PPFIA2: variants seen among roughly 807,000 people sequenced by gnomAD.
The protein encoded by PPFIA2 is liprin-alpha-2.
Under a neutral mutation model 175.5 loss-of-function variants are expected in PPFIA2, and 46 were observed. The ratio of observed to expected loss-of-function variants is 0.26; its 90% CI spans 0.21 to 0.34. The LOEUF is 0.34. PPFIA2 is among the 10% of genes least tolerant of loss of function. The probability of loss-of-function intolerance (pLI) is 1.00; values close to 1 mark genes in which losing one functional copy is unlikely to be tolerated. For synonymous variants in PPFIA2, 568 were observed against 511.4 expected (o/e 1.11, Z -1.49); for missense variants, 1,179 against 1,506.1 (o/e 0.78, Z 3.60).
intron 4 of PPFIA2, among the ~76,000 whole-genome samples, chr12:81,615,827 A>C (rs2061381939): frequency 6.6e-6 from 1 of 152,154 alleles, no homozygotes. Flanking sequence ...GAAAGGAGGA[A>C]TAGGAATAAG....
At chr12:81,707,923 C>CA (rs1298873045) in intron 3 of PPFIA2, among the ~76,000 whole-genome samples, 4 of 148,568 alleles carry the variant, frequency 2.7e-5, no homozygotes, top group South Asian at 2.1e-4. Flanking sequence ...ATCGCAAGAA[C>CA]AAAAAACCAA....
At chr12:81,754,340 C>G in intron 2 of PPFIA2, 117 bp from the exon 3 acceptor site, 2 of 1,285,774 alleles carry the variant, frequency 1.6e-6, no homozygotes, top group African/African-American at 3.0e-5. Flanking sequence ...TCTATTTCCC[C>G]TACCTGTTGC....
At chr12:81,668,265 G>C (rs552110446) in intron 4 of PPFIA2, among the ~76,000 whole-genome samples, 1 of 152,116 alleles carries the variant, frequency 6.6e-6, no homozygotes, top group East Asian at 1.9e-4. Flanking sequence ...TACTTCATCA[G>C]TCTGGCCCAT....
At chr12:81,344,930 G>GTGTAC (rs59018607) in intron 18 of PPFIA2, among the ~76,000 whole-genome samples, 96,463 of 151,326 alleles carry the variant, frequency 0.64, 32,262 homozygotes, top group Non-Finnish European at 0.76. Flanking sequence ...ATGGGGCCAT[G>GTGTAC]TGTACAGGCA....
intron 3 of PPFIA2, among the ~76,000 whole-genome samples, chr12:81,684,504 T>A (rs2074155860): frequency 2.6e-5 from 4 of 152,144 alleles, no homozygotes; most frequent in Admixed American, 2.6e-4. Context: ...ATTGAATGAA[T>A]GATGTGATAC....
At chr12:81,260,439 G>A (rs2035036764) in intron 32 of PPFIA2, 1 of 152,166 alleles carries the variant, frequency 6.6e-6, no homozygotes, top group Non-Finnish European at 1.5e-5. Context: ...AATTAGTGAA[G>A]TGTTCATTTC....
At chr12:81,752,601 G>T (rs1311202489) in intron 3 of PPFIA2, among the ~76,000 whole-genome samples, 1 of 152,144 alleles carries the variant, frequency 6.6e-6, no homozygotes, top group Admixed American at 6.5e-5. Flanking sequence ...TTCACACAGG[G>T]TTATGGGTTT....
At chr12:81,685,154 C>A (rs974840493) in intron 3 of PPFIA2, among the ~76,000 whole-genome samples, 4 of 152,010 alleles carry the variant, frequency 2.6e-5, no homozygotes, top group African/African-American at 9.7e-5. Flanking sequence ...TTATTTTAAA[C>A]AAATCATTCA....
rs538476380 is a variant in PPFIA2 at position 81,261,813 on chromosome 12, C to T, written c.*33+136G>A. ...TTACAATATGAAGATTTCTTTTTCCCCTGAAGCAATTCAAAAGGGTTATCT... is the reference window on the plus strand; with the variant it reads ...TTACAATATGAAGATTTCTTTTTCCTCTGAAGCAATTCAAAAGGGTTATCT... On this transcript the variant is annotated intron_variant, in intron 32 of 32. Coordinates refer to ENST00000549396, the MANE Select transcript of PPFIA2 (RefSeq NM_003625.5). 7 of 575,810 alleles carry T rather than the reference C, an allele frequency of 1.2e-5. No homozygotes were observed. In the Admixed American group the frequency reaches 1.9e-4, roughly 15 times the overall value. 35.7% of individuals were successfully genotyped at this position (575,810 alleles called of 1,614,324 possible).
At chr12:81,463,598 T>G (rs2055051476) in intron 4 of PPFIA2, among the ~76,000 whole-genome samples, 1 of 152,112 alleles carries the variant, frequency 6.6e-6, no homozygotes, top group Admixed American at 6.6e-5. Flanking sequence ...CCCTTCTCTT[T>G]CTTAGTGTGT....
chr12:81,320,589 C>A (rs2053449555), intron 22 of PPFIA2, among the ~76,000 whole-genome samples: 1 of 151,812 alleles, frequency 6.6e-6, no homozygotes, highest in African/African-American at 2.4e-5. Flanking sequence ...CGTATGATAT[C>A]TTTCAACTTA....
At chr12:81,469,550 G>C (rs947997748) in intron 4 of PPFIA2, among the ~76,000 whole-genome samples, 5 of 152,192 alleles carry the variant, frequency 3.3e-5, no homozygotes, top group Non-Finnish European at 7.3e-5. Flanking sequence ...AATTCTTCCA[G>C]ATAAAGGGAG....
chr12:81,342,595 G>A (rs976078748), intron 19 of PPFIA2, among the ~76,000 whole-genome samples: 3 of 152,016 alleles, frequency 2.0e-5, no homozygotes, highest in Non-Finnish European at 2.9e-5. Context: ...TTGCCATCAG[G>A]AGAATCTTTT....
chr12:81,694,888 T>C (rs960483311), intron 3 of PPFIA2, among the ~76,000 whole-genome samples: 1 of 152,162 alleles, frequency 6.6e-6, no homozygotes, highest in African/African-American at 2.4e-5. Flanking sequence ...CAGTTTGCCC[T>C]GGATATGGGA....
chr12:81,306,780 G>A (rs2049340730), intron 22 of PPFIA2, among the ~76,000 whole-genome samples: 1 of 151,906 alleles, frequency 6.6e-6, no homozygotes, highest in Admixed American at 6.6e-5. Flanking sequence ...GGCCTCAAGT[G>A]ATCTGCTCAC....
chr12:81,592,861 T>C (rs1050956267), intron 4 of PPFIA2, among the ~76,000 whole-genome samples: 11 of 151,854 alleles, frequency 7.2e-5, no homozygotes, highest in African/African-American at 2.7e-4. Flanking sequence ...GCTCAAGTGA[T>C]CCTCCGACCT....
intron 4 of PPFIA2, among the ~76,000 whole-genome samples, chr12:81,664,582 G>A (rs1007158831): frequency 3.2e-4 from 48 of 152,188 alleles, no homozygotes; most frequent in South Asian, 1.0e-3. Context: ...CTTTTACACT[G>A]TTGGTGGGAC....
At chr12:81,465,496 A>G (rs1177356366) in intron 4 of PPFIA2, among the ~76,000 whole-genome samples, 1 of 152,188 alleles carries the variant, frequency 6.6e-6, no homozygotes, top group Non-Finnish European at 1.5e-5. Context: ...TAACTGCTTC[A>G]AAATGCTTTT....
intron 4 of PPFIA2, among the ~76,000 whole-genome samples, chr12:81,480,802 C>A (rs920654586): frequency 6.6e-6 from 1 of 152,092 alleles, no homozygotes; most frequent in East Asian, 1.9e-4. Flanking sequence ...CAGAGGGGCA[C>A]CTACCAGATG....
Sources: gnomAD v4.1 joint callset for allele counts (sites outside exome capture counted in the v4.1 genomes callset) on GRCh38, gnomAD v4.1.1 for gene constraint, MANE v1.5 for transcripts, NCBI Gene and HGNC (gene_info 2026-07-23, HGNC 2026-07-21) for gene names.